Variants in PADI4 observed in about 807,000 individuals in gnomAD.
PADI4 encodes peptidyl arginine deiminase 4.
Under a neutral mutation model 75.0 loss-of-function variants are expected in PADI4, and 62 were observed. That is an observed-to-expected ratio of 0.83 (90% CI 0.67 to 1.02). PADI4 has a LOEUF of 1.02. Among genes scored for constraint, PADI4 ranks in the 50% least tolerant of loss-of-function variants. PADI4 has a pLI of 0.00. For missense variants in PADI4, 845 were observed against 850.5 expected (o/e 0.99, Z 0.08); for synonymous variants, 361 against 348.1 (o/e 1.04, Z -0.41).
intron 3 of PADI4, among the ~76,000 whole-genome samples, chr1:17,335,272 C>G (rs1451556866): frequency 6.6e-6 from 1 of 152,102 alleles, no homozygotes; most frequent in Non-Finnish European, 1.5e-5. Context: ...TACTCAATTG[C>G]CAGGCACTGT....
At chr1:17,337,920 A>C (rs1009957117) in intron 4 of PADI4, 118 bp from the exon 5 acceptor site, 1 of 431,294 alleles carries the variant, frequency 2.3e-6, no homozygotes, top group African/African-American at 2.1e-5. Context: ...TCTCAAAAAA[A>C]TAATAAATAA....
intron 3 of PADI4, chr1:17,334,590 ACT>A (rs1424127268): frequency 2.2e-6 from 1 of 456,214 alleles, no homozygotes; most frequent in Non-Finnish European, 4.4e-6. Context: ...GGCATGAACC[ACT>A]GCGCCAGGCC....
chr1:17,331,257 C>A, intron 2 of PADI4, 108 bp downstream of exon 2: 1 of 929,154 alleles, frequency 1.1e-6, no homozygotes, highest in Non-Finnish European at 1.6e-6. Flanking sequence ...AGCCTCTTGC[C>A]CTGTGGAAGA....
At chr1:17,321,970 T>C (rs1025201188) in intron 1 of PADI4, among the ~76,000 whole-genome samples, 5 of 152,212 alleles carry the variant, frequency 3.3e-5, no homozygotes, top group African/African-American at 1.2e-4. Context: ...TGATCAGCCT[T>C]TTACTGAAAA....
At chr1:17,320,544 T>C (rs6686220) in intron 1 of PADI4, among the ~76,000 whole-genome samples, 136,071 of 152,086 alleles carry the variant, frequency 0.89, 61,037 homozygotes, top group South Asian at 0.95. Context: ...GAACTGAGGG[T>C]TCCTCCACTT....
intron 2 of PADI4, among the ~76,000 whole-genome samples, chr1:17,331,697 C>T (rs2074216251): frequency 6.6e-6 from 1 of 152,120 alleles, no homozygotes; most frequent in African/African-American, 2.4e-5. Flanking sequence ...GCGGGTGGAT[C>T]ACCTGAGGTC....
intron 15 of PADI4, among the ~76,000 whole-genome samples, chr1:17,360,492 C>T (rs1362107379): frequency 6.6e-6 from 1 of 152,134 alleles, no homozygotes; most frequent in Non-Finnish European, 1.5e-5. Flanking sequence ...GAGTCTTTTT[C>T]TAAGATGGAG....
chr1:17,330,455 A>G (rs1243702661), intron 1 of PADI4, among the ~76,000 whole-genome samples: 2 of 152,194 alleles, frequency 1.3e-5, no homozygotes, highest in Non-Finnish European at 2.9e-5. Flanking sequence ...TGGGGAAGAG[A>G]GAAGCTGGCA....
intron 10 of PADI4, among the ~76,000 whole-genome samples, chr1:17,352,278 G>C (rs1174402512): frequency 6.7e-6 from 1 of 150,274 alleles, no homozygotes; most frequent in Non-Finnish European, 1.5e-5. Context: ...GGGAGGAGAT[G>C]GGGGGCAGTA....
chr1:17,348,106 C>T (rs1635570), intron 10 of PADI4, 58 bp downstream of exon 10: 40,480 of 1,122,334 alleles, frequency 0.036, 1,039 homozygotes, highest in Non-Finnish European at 0.046. Context: ...TCTTGAGACT[C>T]CCTCCTTTTA....
intron 4 of PADI4, 45 bp from the exon 5 acceptor site, chr1:17,337,993 C>A: frequency 1.8e-6 from 2 of 1,127,264 alleles, no homozygotes; most frequent in Non-Finnish European, 2.7e-6. Context: ...AGTTGGAGGG[C>A]TCTATGCTAG....
intron 1 of PADI4, among the ~76,000 whole-genome samples, chr1:17,323,859 C>CAA (rs397979378): frequency 0.54 from 80,864 of 148,692 alleles, 21,852 homozygotes; most frequent in Non-Finnish European, 0.58. Flanking sequence ...ACAACAACAA[C>CAA]AAAAAAAACA....
chr1:17,330,320 A>T, intron 1 of PADI4, among the ~76,000 whole-genome samples: 1 of 152,140 alleles, frequency 6.6e-6, no homozygotes, highest in Non-Finnish European at 1.5e-5. Context: ...ACCTGTTGGG[A>T]AAAGGAGTAT....
intron 1 of PADI4, among the ~76,000 whole-genome samples, chr1:17,322,510 T>G (rs748888996): frequency 6.6e-6 from 1 of 151,712 alleles, no homozygotes; most frequent in Non-Finnish European, 1.5e-5. Flanking sequence ...AAAGATAAGC[T>G]ATAAATGTAC....
At chr1:17,311,919 G>A (rs989391579) in intron 1 of PADI4, among the ~76,000 whole-genome samples, 1 of 152,082 alleles carries the variant, frequency 6.6e-6, no homozygotes, top group African/African-American at 2.4e-5. Context: ...TCTGTAAAAT[G>A]GGAAAATTAA....
intron 10 of PADI4, among the ~76,000 whole-genome samples, chr1:17,354,117 G>A (rs1269170421): frequency 6.6e-6 from 1 of 151,986 alleles, no homozygotes; most frequent in African/African-American, 2.4e-5. Context: ...GGGCGTGGTG[G>A]GGCGTGCCTG....
intron 1 of PADI4, among the ~76,000 whole-genome samples, chr1:17,329,834 C>T (rs2074179155): frequency 6.6e-6 from 1 of 152,132 alleles, no homozygotes; most frequent in South Asian, 2.1e-4. Context: ...CCTTTAAGAT[C>T]CTCTCTTTGT....
intron 8 of PADI4, among the ~76,000 whole-genome samples, chr1:17,343,060 GCCTGTAAT>G (rs1170973121): frequency 6.6e-6 from 1 of 152,020 alleles, no homozygotes; most frequent in African/African-American, 2.4e-5. Context: ...TGTGGCATGT[GCCTGTAAT>G]CCCAGCTACT....
chr1:17,357,521 A>G (rs749755902), intron 13 of PADI4, among the ~76,000 whole-genome samples: 4 of 152,210 alleles, frequency 2.6e-5, no homozygotes, highest in Non-Finnish European at 5.9e-5. Flanking sequence ...TAGCATTTTT[A>G]TCACACAGTA....
Sources: gnomAD v4.1 joint callset for allele counts (sites outside exome capture counted in the v4.1 genomes callset) on GRCh38, gnomAD v4.1.1 for gene constraint, MANE v1.5 for transcripts, NCBI Gene and HGNC (gene_info 2026-07-23, HGNC 2026-07-21) for gene names.